The following SPRED1 variants were observed in gnomAD, a reference collection of about 807,000 sequenced individuals.
SPRED1 encodes the protein sprouty-related, EVH1 domain-containing protein 1.
SPRED1 carries 18 observed loss-of-function variants against 52.3 expected under a neutral mutation model. The ratio of observed to expected loss-of-function variants is 0.34; its 90% confidence interval spans 0.24 to 0.51. SPRED1 has a LOEUF of 0.51. Among genes scored for constraint, SPRED1 ranks in the 20% least tolerant of loss-of-function variants. SPRED1 has a pLI of 0.97. For missense variants in SPRED1, 485 were observed against 551.0 expected (o/e 0.88, Z 1.20); for synonymous variants, 155 against 179.7 (o/e 0.86, Z 1.10).
intron 1 of SPRED1, among the ~76,000 whole-genome samples, chr15:38,283,326 G>A (rs963163031): frequency 6.6e-6 from 1 of 152,154 alleles, no homozygotes; most frequent in Non-Finnish European, 1.5e-5. Flanking sequence ...CTCCCACCTG[G>A]TTCCTCCCTT....
intron 4 of SPRED1, among the ~76,000 whole-genome samples, chr15:38,333,558 A>C (rs917974877): frequency 6.6e-6 from 1 of 152,154 alleles, no homozygotes; most frequent in South Asian, 2.1e-4. Context: ...TTTTAATAAG[A>C]TGGATCCATT....
chr15:38,315,583 TC>T (rs1356231569), intron 2 of SPRED1, among the ~76,000 whole-genome samples: 1 of 142,752 alleles, frequency 7.0e-6, no homozygotes, highest in South Asian at 2.4e-4. Flanking sequence ...TCCCCTTTTT[TC>T]CCCCTCTGTA....
chr15:38,283,715 T>TA (rs1894744924), intron 1 of SPRED1, among the ~76,000 whole-genome samples: 1 of 152,226 alleles, frequency 6.6e-6, no homozygotes, highest in Non-Finnish European at 1.5e-5. Flanking sequence ...AAATCCTTAC[T>TA]CAGTGATGTG....
chr15:38,346,001 A>T (rs1896128143), intron 5 of SPRED1, among the ~76,000 whole-genome samples: 1 of 152,180 alleles, frequency 6.6e-6, no homozygotes, highest in African/African-American at 2.4e-5. Context: ...AGGCATTGCC[A>T]GTATTTGTCT....
intron 2 of SPRED1, among the ~76,000 whole-genome samples, chr15:38,311,067 T>C (rs905301810): frequency 6.6e-6 from 1 of 152,208 alleles, no homozygotes; most frequent in South Asian, 2.1e-4. Flanking sequence ...TTTTAGTATA[T>C]TGTTGGCTGG....
intron 1 of SPRED1, among the ~76,000 whole-genome samples, chr15:38,278,530 G>A (rs1389381380): frequency 1.3e-5 from 2 of 152,128 alleles, no homozygotes; most frequent in Non-Finnish European, 1.5e-5. Context: ...TATACTTTTT[G>A]TGTACATTAC....
intron 6 of SPRED1, among the ~76,000 whole-genome samples, chr15:38,350,442 A>G (rs191602203): frequency 6.6e-6 from 1 of 152,322 alleles, no homozygotes; most frequent in East Asian, 1.9e-4. Context: ...ATACAGTCGC[A>G]TTACTGGAGG....
chr15:38,342,824 T>C (rs906290958), intron 5 of SPRED1, among the ~76,000 whole-genome samples: 2 of 152,154 alleles, frequency 1.3e-5, no homozygotes, highest in African/African-American at 4.8e-5. Flanking sequence ...TGAACAGATT[T>C]AGAAATTTTC....
At chr15:38,330,497 A>G (rs563447168) in intron 4 of SPRED1, among the ~76,000 whole-genome samples, 2 of 152,248 alleles carry the variant, frequency 1.3e-5, no homozygotes, top group Admixed American at 1.3e-4. Flanking sequence ...TGGAAACACT[A>G]CACCACATGT....
chr15:38,330,141 C>A (rs1029250191), intron 4 of SPRED1, among the ~76,000 whole-genome samples: 4 of 152,094 alleles, frequency 2.6e-5, no homozygotes, highest in African/African-American at 9.7e-5. Context: ...TCTCTGCAAA[C>A]CTAATACCAC....
chr15:38,335,115 A>T (rs1007728689), intron 4 of SPRED1, among the ~76,000 whole-genome samples: 3 of 152,140 alleles, frequency 2.0e-5, no homozygotes, highest in East Asian at 3.9e-4. Flanking sequence ...AGGAAAATAA[A>T]ATTGGGCTTT....
intron 4 of SPRED1, among the ~76,000 whole-genome samples, chr15:38,328,420 A>G (rs924882977): frequency 6.6e-6 from 1 of 152,178 alleles, no homozygotes; most frequent in Admixed American, 6.5e-5. Context: ...TCTGCTTTCA[A>G]CAATTAATGT....
chr15:38,343,529 T>C (rs1424250468), intron 5 of SPRED1, among the ~76,000 whole-genome samples: 7 of 152,086 alleles, frequency 4.6e-5, no homozygotes, highest in Admixed American at 3.3e-4. Context: ...GTTAACGAAA[T>C]TGAAACTTGA....
intron 5 of SPRED1, among the ~76,000 whole-genome samples, chr15:38,344,632 C>G (rs1896094101): frequency 6.6e-6 from 1 of 152,082 alleles, no homozygotes; most frequent in Admixed American, 6.6e-5. Flanking sequence ...GCTGTGTGGC[C>G]TTGGGCAAGC....
At chr15:38,349,882 T>C (rs1194345786) in intron 6 of SPRED1, among the ~76,000 whole-genome samples, 2 of 152,306 alleles carry the variant, frequency 1.3e-5, no homozygotes, top group South Asian at 2.1e-4. Flanking sequence ...TGCTTACTTG[T>C]AGTAGACTAG....
At chr15:38,282,257 T>G (rs1894706005) in intron 1 of SPRED1, among the ~76,000 whole-genome samples, 1 of 151,952 alleles carries the variant, frequency 6.6e-6, no homozygotes, top group African/African-American at 2.4e-5. Flanking sequence ...GGTGGATCAC[T>G]TGAGGTCAGG....
At chr15:38,288,081 G>T (rs1361300333) in intron 1 of SPRED1, among the ~76,000 whole-genome samples, 1 of 152,080 alleles carries the variant, frequency 6.6e-6, no homozygotes, top group Non-Finnish European at 1.5e-5. Flanking sequence ...TGCTTGGATT[G>T]TAACAATATA....
intron 4 of SPRED1, among the ~76,000 whole-genome samples, chr15:38,331,035 G>A (rs1035494175): frequency 6.6e-6 from 1 of 151,976 alleles, no homozygotes; most frequent in Non-Finnish European, 1.5e-5. Context: ...TTATTTTATT[G>A]CTTTACTCTG....
chr15:38,288,216 G>C (rs1283614718), intron 1 of SPRED1, among the ~76,000 whole-genome samples: 1 of 152,160 alleles, frequency 6.6e-6, no homozygotes, highest in Non-Finnish European at 1.5e-5. Flanking sequence ...GAGCTCAGAA[G>C]AGGAAGGTAG....
Sources: gnomAD v4.1 joint callset for allele counts (sites outside exome capture counted in the v4.1 genomes callset) on GRCh38, gnomAD v4.1.1 for gene constraint, MANE v1.5 for transcripts, NCBI Gene and HGNC (gene_info 2026-07-23, HGNC 2026-07-21) for gene names.